NRAP: variants seen among roughly 807,000 people sequenced by gnomAD.
NRAP encodes nebulin related anchoring protein.
Under a neutral mutation model 225.9 loss-of-function variants are expected in NRAP, and 189 were observed. The observed-to-expected ratio is 0.84, with a 90% CI of 0.74 to 0.94. The LOEUF is 0.94. NRAP is among the 40% of genes least tolerant of loss of function. The probability of loss-of-function intolerance (pLI) is 0.00; values close to 1 mark genes in which losing one functional copy is unlikely to be tolerated. For missense variants in NRAP, 2,176 were observed against 2,168.7 expected (o/e 1.00, Z -0.07); for synonymous variants, 769 against 790.7 (o/e 0.97, Z 0.46).
rs2133815590 is a variant in NRAP at position 113,590,896 on chromosome 10, G to A, written c.4645-7C>T. 1 of 1,612,446 alleles carries A rather than the reference G, an allele frequency of 6.2e-7. No individual in the cohort carries two copies. Among genetic ancestry groups the A allele is most frequent in the Non-Finnish European group, 8.5e-7 (1 of 1,178,738 alleles). ...AAGCCTCTTTGTACCGGAACTGCAA[G>A]TCAGAGGAGCAGAGGCAGATCATGG... is the stretch of plus-strand genomic sequence containing the variant. On this transcript the variant is annotated splice_polypyrimidine_tract_variant and splice_region_variant and intron_variant, in intron 39 of 41. Coordinates refer to ENST00000359988, the MANE Select transcript of NRAP (RefSeq NM_198060.4).
intron 4 of NRAP, among the ~76,000 whole-genome samples, chr10:113,657,265 G>A (rs1163996775): frequency 6.6e-6 from 1 of 152,182 alleles, no homozygotes; most frequent in Non-Finnish European, 1.5e-5. Context: ...GTTGGAAGGG[G>A]AAGACAATGA....
chr10:113,589,360 A>C (rs951554391), intron 41 of NRAP: 5 of 561,698 alleles, frequency 8.9e-6, no homozygotes, highest in African/African-American at 7.5e-5. Flanking sequence ...CTTTCTGCGA[A>C]TGTAACGAGC....
rs967796564 is a variant in NRAP at position 113,589,892 on chromosome 10, G to C, written c.4957-95C>G. On this transcript the variant is annotated intron_variant, in intron 40 of 41. Coordinates refer to ENST00000359988, the MANE Select transcript of NRAP (RefSeq NM_198060.4). ...AAGATTAAAAAGGCAGCCACAGTAT[G>C]AGACTATGTTGTCTGTCATCAGTAA... 7.3e-6 allele frequency: 10 copies of C among 1,370,736 alleles called. No homozygotes were observed. In the Admixed American group the frequency reaches 1.7e-4, roughly 23 times the overall value. The allele number at this position is 1,370,736 out of a possible 1,614,324, so 84.9% of individuals were successfully genotyped here. A position where few individuals can be genotyped will look rare whatever the true frequency, so the allele number is the denominator to read the frequency against.
At chr10:113,651,386 G>T (rs147044118) in intron 7 of NRAP, among the ~76,000 whole-genome samples, 3,071 of 152,222 alleles carry the variant, frequency 0.02, 112 homozygotes, top group African/African-American at 0.071. Flanking sequence ...GTGCAGGTTT[G>T]TTACGTAGGT....
At chr10:113,642,525 T>C (rs1564747368) in intron 12 of NRAP, among the ~76,000 whole-genome samples, 1 of 152,152 alleles carries the variant, frequency 6.6e-6, no homozygotes, top group Non-Finnish European at 1.5e-5. Context: ...ATCTGTAAGA[T>C]AGGGAAATAA....
intron 22 of NRAP, 98 bp from the exon 23 acceptor site, chr10:113,623,734 A>G: frequency 1.3e-6 from 1 of 767,690 alleles, no homozygotes; most frequent in Non-Finnish European, 2.2e-6. Flanking sequence ...CTAGGAAAGC[A>G]ATACTGATTA....
At chr10:113,653,922 A>G (rs1046977911) in intron 5 of NRAP, 99 bp downstream of exon 5, 2 of 783,826 alleles carry the variant, frequency 2.6e-6, no homozygotes, top group Non-Finnish European at 4.6e-6. Flanking sequence ...GGATGATAGC[A>G]TCATTCTGTC....
At chr10:113,648,114 T>G (rs978916663) in intron 9 of NRAP, among the ~76,000 whole-genome samples, 1 of 152,032 alleles carries the variant, frequency 6.6e-6, no homozygotes, top group African/African-American at 2.4e-5. Context: ...GTGCCCTCAT[T>G]AGGCTCACGA....
rs199629781 is a variant in NRAP, at chr10:113,606,239, G to T, written c.3746C>A (p.Thr1249Lys). The change falls in exon 33 of 42, where the codon ACA becomes AAA. Residue 1249 changes from threonine to lysine, a missense_variant. Thr to Lys is a moderately conservative substitution (Grantham distance 78). Coordinates refer to ENST00000359988, the MANE Select transcript of NRAP (RefSeq NM_198060.4). ...AAGEDARHEYTMTLGLPEFIR... is the reference protein window; with the variant it reads ...AAGEDARHEYKMTLGLPEFIR... The stretch of plus-strand genomic sequence containing the variant: ...GAACTCGGGCAGACCCAGGGTCATT[G>T]TATACTCGTGTCTTGCATCCTCTCC... 181 of 1,613,962 alleles carry T rather than the reference G, an allele frequency of 1.1e-4. No homozygotes were observed. Among genetic ancestry groups the T allele is most frequent in the Admixed American group, 3.7e-4 (22 of 60,004 alleles).
chr10:113,644,169 A>AAAAAAAG (rs1849369013), intron 11 of NRAP, among the ~76,000 whole-genome samples: 1 of 148,596 alleles, frequency 6.7e-6, no homozygotes, highest in Non-Finnish European at 1.5e-5. Context: ...AAAAAAAAAA[A>AAAAAAAG]GGCCAAAATG....
At chr10:113,592,547 G>C (rs1221021391) in intron 38 of NRAP, among the ~76,000 whole-genome samples, 2 of 147,092 alleles carry the variant, frequency 1.4e-5, no homozygotes, top group African/African-American at 5.0e-5. Context: ...TGTGATCTTC[G>C]GGTATGGCTC....
chr10:113,610,410 C>A, intron 31 of NRAP, 49 bp downstream of exon 31: 1 of 855,816 alleles, frequency 1.2e-6, no homozygotes, highest in Non-Finnish European at 2.0e-6. Context: ...ACTGATTATC[C>A]TCTGCTGTGG....
intron 38 of NRAP, 140 bp from the exon 39 acceptor site, chr10:113,592,441 G>A (rs1031880434): frequency 5.6e-5 from 29 of 515,518 alleles, no homozygotes; most frequent in African/African-American, 4.5e-4. Flanking sequence ...CCACCTTGGC[G>A]ACTCCCTAGC....
At chr10:113,600,570 T>C (rs1287402197) in intron 35 of NRAP, among the ~76,000 whole-genome samples, 1 of 152,174 alleles carries the variant, frequency 6.6e-6, no homozygotes, top group Admixed American at 6.5e-5. Context: ...ATACTGTGGG[T>C]AAGCCACACC....
At chr10:113,620,444 G>A (rs764782724) in intron 25 of NRAP, among the ~76,000 whole-genome samples, 160 bp downstream of exon 25, 36 of 152,160 alleles carry the variant, frequency 2.4e-4, no homozygotes, top group Non-Finnish European at 5.1e-4. Context: ...TGTTTCGTAC[G>A]TGGTTTCCCT....
chr10:113,633,302 G>A, intron 15 of NRAP, 114 bp from the exon 16 acceptor site: 1 of 643,972 alleles, frequency 1.6e-6, no homozygotes, highest in South Asian at 1.8e-5. Flanking sequence ...TCCAGAAAAG[G>A]CATTTTACAA....
chr10:113,607,399 C>CAAAAAAAAAAAAAAAAAAA lies in NRAP; in HGVS notation c.3702+996_3702+1014dup, dbSNP rs543627940. Among the ~76,000 whole-genome samples the CAAAAAAAAAAAAAAAAAAA allele has an allele frequency of 1.7e-3, 116 of 68,600 alleles. 3 individuals carry two copies. The highest frequency in any genetic ancestry group is 2.3e-3 in the Non-Finnish European group (82 of 35,362). The allele number at this position is 68,600 out of a possible 152,430, so 45.0% of individuals were successfully genotyped here. A position where few individuals can be genotyped will look rare whatever the true frequency, so the allele number is the denominator to read the frequency against. On this transcript the variant is annotated intron_variant, in intron 32 of 41. Transcript: ENST00000359988. ...CCTGGGTGAAAGAGCGAAACTCCGTCAAAAAAAAAAAAAAAAAAAAAAAAA... is the reference window on the plus strand; with the variant it reads ...CCTGGGTGAAAGAGCGAAACTCCGTCAAAAAAAAAAAAAAAAAAAAAAAAAAAAAAAAAAAAAAAAAAAA...
rs527803189 is a variant in NRAP, at chr10:113,649,939, C to A, written c.888+98G>T. 21 of 714,792 alleles carry A rather than the reference C, an allele frequency of 2.9e-5. 1 individual carries two copies. Among genetic ancestry groups the A allele is most frequent in the African/African-American group, 5.3e-5 (3 of 56,444 alleles). The allele number at this position is 714,792 out of a possible 1,614,324, so 44.3% of individuals were successfully genotyped here. Reference sequence around the variant, plus strand: ...TTTCATAAAAAAGGTAAAGATAAACCAAAGCCCCACCCCTGATTAAATTGT... The same window carrying A: ...TTTCATAAAAAAGGTAAAGATAAACAAAAGCCCCACCCCTGATTAAATTGT... On this transcript the variant is annotated intron_variant, in intron 9 of 41. Coordinates refer to ENST00000359988, the MANE Select transcript of NRAP (RefSeq NM_198060.4).
intron 20 of NRAP, among the ~76,000 whole-genome samples, chr10:113,628,283 G>A (rs1848393008): frequency 6.6e-6 from 1 of 152,148 alleles, no homozygotes; most frequent in Non-Finnish European, 1.5e-5. Flanking sequence ...TGCCTCCCAG[G>A]TTCAAGCAAT....
Sources: gnomAD v4.1 joint callset for allele counts (sites outside exome capture counted in the v4.1 genomes callset) on GRCh38, gnomAD v4.1.1 for gene constraint, MANE v1.5 for transcripts, NCBI Gene and HGNC (gene_info 2026-07-23, HGNC 2026-07-21) for gene names.